Variants in VSTM2L observed in about 807,000 individuals in gnomAD.
The protein encoded by VSTM2L is V-set and transmembrane domain containing 2 like.
A neutral mutation model predicts 19.9 loss-of-function variants in VSTM2L; 9 were observed. The observed-to-expected ratio is 0.45, with a 90% confidence interval of 0.27 to 0.79. The LOEUF (loss-of-function observed/expected upper bound fraction) is 0.79, where lower values mean the gene tolerates loss of function less well. Among genes scored for constraint, VSTM2L ranks in the 30% least tolerant of loss-of-function variants. VSTM2L has a pLI of 0.15. For synonymous variants in VSTM2L, 127 were observed against 133.8 expected (o/e 0.95, Z 0.35); for missense variants, 286 against 295.5 (o/e 0.97, Z 0.24).
At chr20:37,903,573 G>A in intron 1 of VSTM2L, 102 bp downstream of exon 1, 1 of 1,310,614 alleles carries the variant, frequency 7.6e-7, no homozygotes, top group Non-Finnish European at 9.7e-7. Flanking sequence ...CGCCAGTCGT[G>A]GCGGGCATCC....
Position 37,903,360 on chromosome 20 carries a change from C to CCGCTCG in VSTM2L, c.12_17dup (p.Leu5_Ala6dup). 6.8e-7 allele frequency: 1 copy of CCGCTCG among 1,470,326 alleles called. No individual in the cohort carries two copies. The highest frequency in any genetic ancestry group is 9.0e-7 in the Non-Finnish European group (1 of 1,116,898). 91.1% of individuals were successfully genotyped at this position (1,470,326 alleles called of 1,614,324 possible). Reference sequence around the variant, plus strand: ...GGCCCGAGAGCGCACGATGGGGGCCCCGCTCGCCGTAGCGCTGGGCGCCCT... The same window carrying CCGCTCG: ...GGCCCGAGAGCGCACGATGGGGGCCCCGCTCGCGCTCGCCGTAGCGCTGGGCGCCCT... On this transcript the variant is annotated inframe_insertion, in exon 1 of 4. Transcript: ENST00000373461.
Position 37,944,180 on chromosome 20 carries a change from C to G in VSTM2L, c.542C>G (p.Pro181Arg). The G allele has an allele frequency of 6.5e-7, 1 of 1,545,026 alleles. No individual in the cohort carries two copies. Among genetic ancestry groups the G allele is most frequent in the African/African-American group, 1.4e-5 (1 of 73,166 alleles). Reference sequence around the variant, plus strand: ...CTGCCCGAAGCCCCTCCCGCCGCGCCCGCCCCGCCGCCCCCCAAGCCAGGC... The same window carrying G: ...CTGCCCGAAGCCCCTCCCGCCGCGCGCGCCCCGCCGCCCCCCAAGCCAGGC... Reference protein sequence around the residue: ...LHLPEAPPAAPAPPPPKPGKE... With the variant: ...LHLPEAPPAARAPPPPKPGKE... The change falls in exon 4 of 4, where the codon CCC becomes CGC. Residue 181 changes from proline (P) to arginine (R), a missense_variant. Physicochemically the swap from Pro to Arg is moderately radical, Grantham distance 103. Transcript: ENST00000373461.
rs2122985389 is a variant in VSTM2L at position 37,944,487 on chromosome 20, C to T, written c.*234C>T. The T allele has an allele frequency of 1.6e-6, 2 of 1,255,796 alleles. No homozygotes were observed. The highest frequency in any genetic ancestry group is 6.2e-5 in the East Asian group (2 of 32,208). The allele number at this position is 1,255,796 out of a possible 1,614,324, so 77.8% of individuals were successfully genotyped here. On this transcript the variant is annotated 3_prime_UTR_variant, in exon 4 of 4. Transcript: ENST00000373461. Reference sequence around the variant, plus strand: ...GCTCGGAGAAGGTGGCCCTGGGCACCAAGGGGCCAACCGCCCTGAACACTG... The same window carrying T: ...GCTCGGAGAAGGTGGCCCTGGGCACTAAGGGGCCAACCGCCCTGAACACTG...
chr20:37,913,784 A>T (rs764016448), intron 1 of VSTM2L, among the ~76,000 whole-genome samples: 8 of 152,192 alleles, frequency 5.3e-5, no homozygotes, highest in Non-Finnish European at 1.2e-4. Context: ...AACCATGTGC[A>T]TGTATTTAGA....
Position 37,939,131 on chromosome 20 carries a change from G to A in VSTM2L, c.343-4850G>A, listed in dbSNP as rs191507713. ...TAAGAGTGATGAAGCTTGGCTGGGC[G>A]CGGTGGCTCACGCTTAGAATCCCAG... On this transcript the variant is annotated intron_variant, in intron 3 of 3. Coordinates refer to ENST00000373461, the MANE Select transcript of VSTM2L (RefSeq NM_080607.3). Among the ~76,000 whole-genome samples, 147 of 152,276 alleles carry A rather than the reference G, an allele frequency of 9.7e-4. 1 individual carries two copies. Among genetic ancestry groups the A allele is most frequent in the African/African-American group, 3.3e-3 (137 of 41,550 alleles).
chr20:37,944,212 C>T lies in VSTM2L; in HGVS notation c.574C>T (p.Leu192=). The change falls in exon 4 of 4, where the codon CTG becomes TTG. Residue 192 remains leucine (L), a synonymous_variant. Transcript: ENST00000373461. The part of the protein sequence containing the change: ...APPPPKPGKE[L]RKRSVDQEAC... ...GCCGCCCCCCAAGCCAGGCAAGGAG[C>T]TGAGGAAGCGCTCGGTGGACCAGGA... The T allele has an allele frequency of 6.6e-7, 1 of 1,526,034 alleles. No homozygotes were observed. The highest frequency in any genetic ancestry group is 8.8e-7 in the Non-Finnish European group (1 of 1,133,668). The allele number at this position is 1,526,034 out of a possible 1,614,324, so 94.5% of individuals were successfully genotyped here. A position where few individuals can be genotyped will look rare whatever the true frequency, so the allele number is the denominator to read the frequency against.
chr20:37,920,918 ATT>A (rs1460659267), intron 1 of VSTM2L, among the ~76,000 whole-genome samples: 110 of 139,002 alleles, frequency 7.9e-4, no homozygotes, highest in Admixed American at 3.4e-3. Context: ...TGATTGATTG[ATT>A]CATTCATTCA....
intron 1 of VSTM2L, among the ~76,000 whole-genome samples, chr20:37,906,472 A>G (rs975594965): frequency 3.3e-5 from 5 of 152,196 alleles, no homozygotes; most frequent in African/African-American, 1.2e-4. Context: ...GGATGGGAGG[A>G]AAAGGTGCAA....
chr20:37,926,866 C>A (rs185269574), intron 1 of VSTM2L, among the ~76,000 whole-genome samples: 1 of 152,346 alleles, frequency 6.6e-6, no homozygotes, highest in African/African-American at 2.4e-5. Flanking sequence ...CACATGTGGC[C>A]ACTGAGCCCT....
intron 3 of VSTM2L, among the ~76,000 whole-genome samples, chr20:37,939,802 C>A (rs2072961271): frequency 6.6e-6 from 1 of 152,214 alleles, no homozygotes; most frequent in Non-Finnish European, 1.5e-5. Flanking sequence ...ACAAATTTAG[C>A]CCAAGAAAAC....
At position 37,943,914 on chromosome 20, in the gene VSTM2L, C is replaced by CA. The variant is rs1047360400; in HGVS notation, c.343-67_343-66insA. The CA allele has an allele frequency of 1.5e-5, 11 of 733,834 alleles. 1 individual carries two copies. In the Admixed American group the frequency reaches 1.8e-4, roughly 12 times the overall value. 45.5% of individuals were successfully genotyped at this position (733,834 alleles called of 1,614,324 possible). ...CCTAGCATGCGATCTTGGGACCCCCCCCCCCGACTCTTCTTCTCCCCCACT... is the reference window on the plus strand; with the variant it reads ...CCTAGCATGCGATCTTGGGACCCCCCACCCCCGACTCTTCTTCTCCCCCACT... On this transcript the variant is annotated intron_variant, in intron 3 of 3. Coordinates refer to ENST00000373461, the MANE Select transcript of VSTM2L (RefSeq NM_080607.3).
chr20:37,933,001 A>T (rs1314607624), intron 2 of VSTM2L, among the ~76,000 whole-genome samples: 1 of 152,328 alleles, frequency 6.6e-6, no homozygotes, highest in Admixed American at 6.5e-5. Context: ...GCCCTGCCAC[A>T]TGCAGGCTTA....
chr20:37,907,304 A>C (rs1020802495), intron 1 of VSTM2L, among the ~76,000 whole-genome samples: 4 of 152,134 alleles, frequency 2.6e-5, no homozygotes, highest in Non-Finnish European at 5.9e-5. Context: ...ATGAGAGCTC[A>C]TTATATTGCC....
At chr20:37,928,086 G>T (rs1251220033) in intron 1 of VSTM2L, among the ~76,000 whole-genome samples, 1 of 152,148 alleles carries the variant, frequency 6.6e-6, no homozygotes, top group Admixed American at 6.5e-5. Flanking sequence ...GGCCACAGCC[G>T]TGTCCCTCCA....
chr20:37,921,310 G>A (rs957954330), intron 1 of VSTM2L, among the ~76,000 whole-genome samples: 1 of 152,172 alleles, frequency 6.6e-6, no homozygotes, highest in African/African-American at 2.4e-5. Flanking sequence ...TGGGGTCTGG[G>A]CAGAACCAGA....
At chr20:37,933,708 A>G (rs2072923913) in intron 3 of VSTM2L, 119 bp downstream of exon 3, 1 of 994,874 alleles carries the variant, frequency 1.0e-6, no homozygotes. Flanking sequence ...GAGAAGAAAA[A>G]GAGAAGGGAA....
At chr20:37,931,609 C>T (rs1269234081) in intron 1 of VSTM2L, 26 bp from the exon 2 acceptor site, 1 of 1,598,714 alleles carries the variant, frequency 6.3e-7, no homozygotes, top group Non-Finnish European at 8.5e-7. Flanking sequence ...TGAGCCCCGC[C>T]ATTCTTCCCC....
At chr20:37,931,082 G>A (rs12480623) in intron 1 of VSTM2L, among the ~76,000 whole-genome samples, 73,648 of 152,030 alleles carry the variant, frequency 0.48, 18,302 homozygotes, top group Non-Finnish European at 0.56. Flanking sequence ...AAAGGGAGGC[G>A]TGTCCACAGG....
In VSTM2L at chr20:37,920,651, G is replaced by T. The variant is rs549301904; in HGVS notation, c.122-10984G>T. Among the ~76,000 whole-genome samples the T allele has an allele frequency of 9.9e-5, 15 of 152,254 alleles. No homozygotes were observed. The South Asian group carries it at 3.1e-3, about 32-fold the overall frequency. On this transcript the variant is annotated intron_variant, in intron 1 of 3. Coordinates refer to ENST00000373461, the MANE Select transcript of VSTM2L (RefSeq NM_080607.3). The stretch of plus-strand genomic sequence containing the variant: ...GGAGAGGGACAGTGGGGAGGAGGCC[G>T]GCCTGCCAAGCCTCACTTAGGACCT...
Sources: gnomAD v4.1 joint callset for allele counts (sites outside exome capture counted in the v4.1 genomes callset) on GRCh38, gnomAD v4.1.1 for gene constraint, MANE v1.5 for transcripts, NCBI Gene and HGNC (gene_info 2026-07-23, HGNC 2026-07-21) for gene names.